Variants in SWI5 observed in about 807,000 individuals in gnomAD.
SWI5 encodes the protein SWI5 homologous recombination repair protein.
A neutral mutation model predicts 17.0 loss-of-function variants in SWI5; 12 were observed. The ratio of observed to expected loss-of-function variants is 0.71; its 90% CI spans 0.45 to 1.14. The LOEUF (loss-of-function observed/expected upper bound fraction) is 1.14. Among genes scored for constraint, SWI5 ranks in the 50% most tolerant of loss-of-function variants. SWI5 has a pLI of 0.00. For synonymous variants in SWI5, 61 were observed against 64.0 expected (o/e 0.95, Z 0.22); for missense variants, 158 against 162.2 (o/e 0.97, Z 0.14).
At chr9:128,276,357 C>T in exon 1 of SWI5, 4 of 1,613,270 alleles carry the variant, frequency 2.5e-6, no homozygotes, top group Middle Eastern at 1.7e-4. Context: ...CCTCTTGCGC[C>T]ATTGAACCCC....
intron 2 of SWI5, among the ~76,000 whole-genome samples, chr9:128,283,502 A>ACAG (rs1360702293): frequency 6.6e-6 from 1 of 151,214 alleles, no homozygotes; most frequent in East Asian, 2.0e-4. Context: ...GTCTCCAAAA[A>ACAG]CAACAACAAC....
At chr9:128,277,167 C>T (rs866193994) in intron 2 of SWI5, among the ~76,000 whole-genome samples, 3 of 152,136 alleles carry the variant, frequency 2.0e-5, no homozygotes, top group South Asian at 4.1e-4. Flanking sequence ...ATAGTCTCTC[C>T]TCTTCGCTGG....
At chr9:128,275,855 G>T, upstream of SWI5, 1 of 1,104,134 alleles carries the variant, frequency 9.1e-7, no homozygotes, top group South Asian at 1.3e-5. Context: ...GAGTGGGGCT[G>T]GGGCTGGGTC....
chr9:128,284,156 G>A (rs1186951384), intron 2 of SWI5, among the ~76,000 whole-genome samples: 1 of 151,676 alleles, frequency 6.6e-6, no homozygotes, highest in Admixed American at 6.6e-5. Flanking sequence ...GGGCATGGTG[G>A]CGCATGCCTG....
At chr9:128,276,018 C>T (rs184959661), upstream of SWI5, 3,132 of 1,591,814 alleles carry the variant, frequency 2.0e-3, 5 homozygotes, top group Middle Eastern at 3.0e-3. Context: ...AGTCAGCCAC[C>T]GCGCAGCTGT....
rs1831445428 is a variant in SWI5, at chr9:128,277,629, A to G, written c.111+874A>G. On this transcript the variant is annotated intron_variant, in intron 2 of 4. Coordinates refer to ENST00000418976, the Ensembl canonical transcript of SWI5. ...TTAGCAACTGCTGCAATGCAGGTGT[A>G]TGCCAGATAGCCCCCTGCCCTCCAG... Among the ~76,000 whole-genome samples, 4 of 152,236 alleles carry G rather than the reference A, an allele frequency of 2.6e-5. No individual in the cohort carries two copies. In the South Asian group the frequency reaches 8.3e-4, roughly 31 times the overall value.
chr9:128,287,956 A>C (rs1051654018), intron 4 of SWI5, among the ~76,000 whole-genome samples: 2 of 152,088 alleles, frequency 1.3e-5, no homozygotes, highest in African/African-American at 4.8e-5. Flanking sequence ...CAGACAATTT[A>C]AAGTCTCTTG....
At chr9:128,276,552 C>T in intron 1 of SWI5, 150 bp downstream of exon 1, 2 of 1,586,464 alleles carry the variant, frequency 1.3e-6, no homozygotes, top group Non-Finnish European at 1.7e-6. Context: ...AGGGTCTCTA[C>T]CCTGATCCTG....
rs1831616050 is a variant in SWI5, at chr9:128,285,181, C to CGAGAGG, written c.233+556_233+561dup. On this transcript the variant is annotated intron_variant, in intron 3 of 4. Coordinates refer to ENST00000418976, the Ensembl canonical transcript of SWI5. This position sits in a 1 kb window ranked among gnomAD's most constrained non-coding sequence, Gnocchi z 4.8. ...ACTTGGTAAAGAAAGAGAAAGAGGGCGAGAGGGAGAGAGAGAGGAGAGGAA... is the reference window on the plus strand; with the variant it reads ...ACTTGGTAAAGAAAGAGAAAGAGGGCGAGAGGGAGAGGGAGAGAGAGAGGAGAGGAA... Among the ~76,000 whole-genome samples, 1 of 132,736 alleles carries CGAGAGG rather than the reference C, an allele frequency of 7.5e-6. No homozygotes were observed. The highest frequency in any genetic ancestry group is 2.9e-5 in the African/African-American group (1 of 34,408). 87.1% of individuals were successfully genotyped at this position (132,736 alleles called of 152,430 possible).
At chr9:128,276,013 G>A, upstream of SWI5, 1 of 1,592,890 alleles carries the variant, frequency 6.3e-7, no homozygotes, top group South Asian at 1.1e-5. Context: ...AAGTCAGTCA[G>A]CCACCGCGCA....
chr9:128,279,715 CG>C (rs1486143546), intron 2 of SWI5, among the ~76,000 whole-genome samples: 1 of 152,168 alleles, frequency 6.6e-6, no homozygotes, highest in Non-Finnish European at 1.5e-5. Flanking sequence ...TTTAGGCCTC[CG>C]GATGACTGCG....
Position 128,276,695 on chromosome 9 carries a change from A to C in SWI5, c.63-12A>C. 6.2e-7 allele frequency: 1 copy of C among 1,613,672 alleles called. No individual in the cohort carries two copies. The highest frequency in any genetic ancestry group is 8.5e-7 in the Non-Finnish European group (1 of 1,179,914). On this transcript the variant is annotated splice_polypyrimidine_tract_variant and intron_variant, in intron 1 of 4. Transcript: ENST00000418976. The stretch of plus-strand genomic sequence containing the variant: ...GGGTCCAATCAGACTTTCCCCTCGG[A>C]TTCCTCTCTAGGACTGAACCAAGAC...
chr9:128,282,254 A>G (rs1016859747), intron 2 of SWI5, among the ~76,000 whole-genome samples: 13 of 151,996 alleles, frequency 8.6e-5, no homozygotes, highest in Admixed American at 2.0e-4. Flanking sequence ...GAGTGTGGTG[A>G]CATGCGCCTG....
exon 1 of SWI5, chr9:128,276,304 C>G (rs771174251): frequency 1.2e-6 from 2 of 1,612,858 alleles, no homozygotes; most frequent in Non-Finnish European, 1.7e-6. Flanking sequence ...GAGTTCCTGG[C>G]CCGGTGCACC....
rs1334231220 is a variant in SWI5, at chr9:128,285,321, A to G, written c.234-618A>G. ...AAGGAAGGAAGGAAGAAAGAAAGGA[A>G]GGACTATGCTTCTGGATTCAGGACA... On this transcript the variant is annotated intron_variant, in intron 3 of 4. Coordinates refer to ENST00000418976, the Ensembl canonical transcript of SWI5. The surrounding 1 kb of genome is among the most constrained non-coding windows in gnomAD (Gnocchi z 4.8). Among the ~76,000 whole-genome samples the G allele has an allele frequency of 6.6e-6, 1 of 152,114 alleles. No homozygotes were observed. The highest frequency in any genetic ancestry group is 2.4e-5 in the African/African-American group (1 of 41,434).
chr9:128,282,867 T>C (rs1831565119), intron 2 of SWI5, among the ~76,000 whole-genome samples: 1 of 152,244 alleles, frequency 6.6e-6, no homozygotes, highest in South Asian at 2.1e-4. Flanking sequence ...AGGAAGGGTT[T>C]TATCCAATGA....
intron 2 of SWI5, among the ~76,000 whole-genome samples, chr9:128,280,524 A>C (rs574863667): frequency 1.3e-5 from 2 of 151,692 alleles, no homozygotes; most frequent in South Asian, 2.1e-4. Context: ...AAAAAAAAAA[A>C]AAAAAACAAG....
intron 3 of SWI5, among the ~76,000 whole-genome samples, chr9:128,284,990 C>T (rs1466490099): frequency 2.9e-5 from 4 of 138,370 alleles, no homozygotes; most frequent in South Asian, 2.6e-4. Flanking sequence ...AGGTTTAACT[C>T]TCTAACTGCC....
chr9:128,285,900 C>A lies in SWI5; in HGVS notation c.234-39C>A, dbSNP rs1831629983. The A allele has an allele frequency of 1.4e-6, 2 of 1,439,502 alleles. No individual in the cohort carries two copies. Among genetic ancestry groups the A allele is most frequent in the South Asian group, 1.1e-5 (1 of 87,014 alleles). 89.2% of individuals were successfully genotyped at this position (1,439,502 alleles called of 1,614,324 possible). The stretch of plus-strand genomic sequence containing the variant: ...CTGGGGCCATCATCTGCTTTCTTAA[C>A]TGGGCTGTCTTTCCCCCTCTCTCCA... On this transcript the variant is annotated intron_variant, in intron 3 of 4. Transcript: ENST00000418976. This position sits in a 1 kb window ranked among gnomAD's most constrained non-coding sequence, Gnocchi z 4.8.
Sources: allele counts gnomAD v4.1 joint callset (sites outside exome capture counted in the v4.1 genomes callset), GRCh38; gene constraint gnomAD v4.1.1; non-coding constraint Gnocchi (gnomAD v3.1); transcripts MANE v1.5; gene names NCBI Gene and HGNC (gene_info 2026-07-23, HGNC 2026-07-21).